GRIN2B: variants seen among roughly 807,000 people sequenced by gnomAD.
GRIN2B encodes glutamate ionotropic receptor NMDA type subunit 2B.
In GRIN2B, 5 loss-of-function variants were observed where a neutral mutation model predicts 114.5. The ratio of observed to expected loss-of-function variants is 0.04; its 90% confidence interval spans 0.02 to 0.09. The LOEUF is 0.09. GRIN2B is among the 10% of genes least tolerant of loss of function. The probability of loss-of-function intolerance (pLI) is 1.00; values close to 1 mark genes in which losing one functional copy is unlikely to be tolerated. For missense variants in GRIN2B, 1,108 were observed against 1,943.5 expected (o/e 0.57, Z 8.08); for synonymous variants, 787 against 745.1 (o/e 1.06, Z -0.92).
intron 3 of GRIN2B, among the ~76,000 whole-genome samples, chr12:13,841,666 ATCTACAC>A (rs908515306): frequency 5.9e-5 from 9 of 152,164 alleles, no homozygotes; most frequent in Admixed American, 2.0e-4. Flanking sequence ...TAGCAACAAT[ATCTACAC>A]CAGTGCTTCC....
intron 5 of GRIN2B, among the ~76,000 whole-genome samples, chr12:13,674,220 C>T (rs1401734884): frequency 6.6e-6 from 1 of 151,928 alleles, no homozygotes; most frequent in Non-Finnish European, 1.5e-5. Flanking sequence ...GTTGGCCAGG[C>T]ATGGTGATAC....
At chr12:13,628,732 T>A (rs1420880939) in intron 5 of GRIN2B, among the ~76,000 whole-genome samples, 1 of 152,100 alleles carries the variant, frequency 6.6e-6, no homozygotes, top group Non-Finnish European at 1.5e-5. Flanking sequence ...AAGAAAGTAA[T>A]GAGAAGCATT....
At chr12:13,883,092 T>C (rs1349379425) in intron 2 of GRIN2B, among the ~76,000 whole-genome samples, 1 of 152,240 alleles carries the variant, frequency 6.6e-6, no homozygotes, top group Non-Finnish European at 1.5e-5. Flanking sequence ...CAGAACTTCA[T>C]CCTTTTTATT....
chr12:13,675,539 A>G (rs756503798), intron 5 of GRIN2B, among the ~76,000 whole-genome samples: 1 of 152,196 alleles, frequency 6.6e-6, no homozygotes, highest in Non-Finnish European at 1.5e-5. Context: ...ATGGTAATAC[A>G]CAAAGAAAAC....
At chr12:13,774,593 A>G (rs1863968373) in intron 3 of GRIN2B, among the ~76,000 whole-genome samples, 1 of 152,258 alleles carries the variant, frequency 6.6e-6, no homozygotes, top group Non-Finnish European at 1.5e-5. Context: ...GTACAAAGCA[A>G]GAGTAAATAT....
chr12:13,687,746 GGCT>G lies in GRIN2B; in HGVS notation c.1011-11890_1011-11888del, dbSNP rs538799719. On this transcript the variant is annotated intron_variant, in intron 4 of 13. Coordinates refer to ENST00000609686, the MANE Select transcript of GRIN2B (RefSeq NM_000834.5). Reference sequence around the variant, plus strand: ...ACATGAATGAAAGGAAGAATTAGCTGGCTGCTCTTAGGCACTGGATTCCCAGGA... The same window carrying G: ...ACATGAATGAAAGGAAGAATTAGCTGGCTCTTAGGCACTGGATTCCCAGGA... Among the ~76,000 whole-genome samples, 471 of 152,294 alleles carry G rather than the reference GGCT, an allele frequency of 3.1e-3. 1 individual carries two copies. The highest frequency in any genetic ancestry group is 0.011 in the African/African-American group (448 of 41,560).
intron 3 of GRIN2B, among the ~76,000 whole-genome samples, chr12:13,831,977 T>C (rs1468644497): frequency 6.6e-6 from 1 of 152,216 alleles, no homozygotes; most frequent in African/African-American, 2.4e-5. Context: ...CATATATAGA[T>C]GGGCTTTTCT....
intron 5 of GRIN2B, among the ~76,000 whole-genome samples, chr12:13,669,021 G>C (rs1950000930): frequency 6.8e-6 from 1 of 146,008 alleles, no homozygotes; most frequent in Admixed American, 6.8e-5. Context: ...AGGGGAGGGA[G>C]GGGAGGTGGG....
At chr12:13,822,010 T>C (rs1444734957) in intron 3 of GRIN2B, among the ~76,000 whole-genome samples, 1 of 152,176 alleles carries the variant, frequency 6.6e-6, no homozygotes, top group Non-Finnish European at 1.5e-5. Flanking sequence ...ATATAAGGTA[T>C]CAAGTCAAAG....
rs565710976 is a variant in GRIN2B at position 13,900,548 on chromosome 12, C to T, written c.-18-34322G>A. Among the ~76,000 whole-genome samples, 12 of 152,210 alleles carry T rather than the reference C, an allele frequency of 7.9e-5. No homozygotes were observed. In the South Asian group the frequency reaches 1.7e-3, roughly 21 times the overall value. On this transcript the variant is annotated intron_variant, in intron 2 of 13. Transcript: ENST00000609686. Reference sequence around the variant, plus strand: ...CTGAAGCAAATACTTCCATAACTATCACCCAGATTAAAGAATCCATAAGCG... The same window carrying T: ...CTGAAGCAAATACTTCCATAACTATTACCCAGATTAAAGAATCCATAAGCG...
intron 3 of GRIN2B, among the ~76,000 whole-genome samples, chr12:13,834,536 G>A (rs1368698723): frequency 6.6e-6 from 1 of 152,060 alleles, no homozygotes; most frequent in Non-Finnish European, 1.5e-5. Flanking sequence ...ACACTGCCTG[G>A]GTTCCCATCA....
chr12:13,630,870 G>A (rs1949610190), intron 5 of GRIN2B, among the ~76,000 whole-genome samples: 1 of 152,164 alleles, frequency 6.6e-6, no homozygotes, highest in South Asian at 2.1e-4. Flanking sequence ...AATTTATAAA[G>A]AAAGGAGGTT....
chr12:13,928,171 C>CGT (rs2136820884), intron 2 of GRIN2B, among the ~76,000 whole-genome samples: 1 of 151,056 alleles, frequency 6.6e-6, no homozygotes, highest in East Asian at 2.0e-4. Context: ...ATTTGCCAGG[C>CGT]GTGGTGGCAC....
intron 2 of GRIN2B, among the ~76,000 whole-genome samples, chr12:13,951,305 G>C (rs576896690): frequency 6.6e-6 from 1 of 152,212 alleles, no homozygotes; most frequent in East Asian, 1.9e-4. Context: ...AAATGAAATA[G>C]AAACACTGAA....
chr12:13,810,243 G>C (rs1443636068), intron 3 of GRIN2B, among the ~76,000 whole-genome samples: 1 of 150,626 alleles, frequency 6.6e-6, no homozygotes, highest in Admixed American at 6.6e-5. Flanking sequence ...CGAGACAGAG[G>C]CTTGCTCTGT....
chr12:13,852,807 A>C (rs542199552), intron 3 of GRIN2B, among the ~76,000 whole-genome samples: 1 of 152,092 alleles, frequency 6.6e-6, no homozygotes, highest in Non-Finnish European at 1.5e-5. Context: ...CATCCACGAT[A>C]CTATACTGCC....
chr12:13,839,946 C>T (rs1444854771), intron 3 of GRIN2B, among the ~76,000 whole-genome samples: 3 of 152,060 alleles, frequency 2.0e-5, no homozygotes, highest in East Asian at 3.8e-4. Flanking sequence ...GTATATTTAT[C>T]CCATATAGAA....
At chr12:13,633,147 G>A (rs1322095547) in intron 5 of GRIN2B, among the ~76,000 whole-genome samples, 1 of 152,192 alleles carries the variant, frequency 6.6e-6, no homozygotes, top group Non-Finnish European at 1.5e-5. Flanking sequence ...ACCTTGTAAG[G>A]CTGTTGCACT....
rs1346172931 is a variant in GRIN2B, at chr12:13,757,993, A to G, written c.412-4078T>C. Among the ~76,000 whole-genome samples the G allele has an allele frequency of 3.3e-5, 5 of 152,210 alleles. No individual in the cohort carries two copies. The East Asian group carries it at 9.6e-4, about 29-fold the overall frequency. Reference sequence around the variant, plus strand: ...CCCAGCGGCTGGTAGTGCCCCTGGCAATAGGGCTTCCACTCAACACCCTTG... The same window carrying G: ...CCCAGCGGCTGGTAGTGCCCCTGGCGATAGGGCTTCCACTCAACACCCTTG... On this transcript the variant is annotated intron_variant, in intron 3 of 13. Transcript: ENST00000609686.
Sources: allele counts gnomAD v4.1 joint callset (sites outside exome capture counted in the v4.1 genomes callset), GRCh38; gene constraint gnomAD v4.1.1; transcripts MANE v1.5; gene names NCBI Gene and HGNC (gene_info 2026-07-23, HGNC 2026-07-21).